The following MAPK8IP3 variants were observed in gnomAD, a reference collection of about 807,000 sequenced individuals.
MAPK8IP3 encodes the protein C-Jun-amino-terminal kinase-interacting protein 3.
Under a neutral mutation model 157.8 loss-of-function variants are expected in MAPK8IP3, and 49 were observed. That is an observed-to-expected ratio of 0.31 (90% CI 0.25 to 0.39). MAPK8IP3 has a LOEUF of 0.39. MAPK8IP3 is among the 10% of genes least tolerant of loss of function. The pLI is 1.00. For synonymous variants in MAPK8IP3, 897 were observed against 777.7 expected (o/e 1.15, Z -2.55); for missense variants, 1,478 against 1,889.4 (o/e 0.78, Z 4.04).
At chr16:1,756,739 T>C (rs564341004) in intron 8 of MAPK8IP3, among the ~76,000 whole-genome samples, 2 of 151,960 alleles carry the variant, frequency 1.3e-5, no homozygotes, top group South Asian at 2.1e-4. Context: ...GGAGGATCTC[T>C]TGAGCCTGGG....
At chr16:1,750,860 G>T (rs1293836118) in intron 8 of MAPK8IP3, among the ~76,000 whole-genome samples, 4 of 151,802 alleles carry the variant, frequency 2.6e-5, no homozygotes, top group Non-Finnish European at 5.9e-5. Context: ...TGGTCAGGCT[G>T]GTTTTGATCT....
chr16:1,765,404 C>A lies in MAPK8IP3; in HGVS notation c.2446+226C>A, dbSNP rs867859981. ...GCCTCTTCTCCCTACCTACTCAGGA[C>A]CCCACGCTTACCTGGTTAGAGGGTG... On this transcript the variant is annotated intron_variant, in intron 20 of 31. Coordinates refer to ENST00000610761, the MANE Select transcript of MAPK8IP3 (RefSeq NM_001318852.2). 4.6e-5 allele frequency among the ~76,000 whole-genome samples: 7 copies of A among 152,224 alleles called. No homozygotes were observed. In the South Asian group the frequency reaches 1.4e-3, roughly 31 times the overall value.
chr16:1,744,877 TTTTTA>T (rs1227375856), intron 5 of MAPK8IP3: 2 of 960,252 alleles, frequency 2.1e-6, no homozygotes, highest in Non-Finnish European at 2.5e-6. Context: ...ATTTAAGTTC[TTTTTA>T]TTTTATGCTC....
chr16:1,718,620 C>T (rs2038313609), intron 1 of MAPK8IP3, among the ~76,000 whole-genome samples: 1 of 151,756 alleles, frequency 6.6e-6, no homozygotes, highest in South Asian at 2.1e-4. Context: ...ATGGTGAAAC[C>T]CTGTCTCTAC....
chr16:1,726,056 C>T (rs1375791433), intron 2 of MAPK8IP3, among the ~76,000 whole-genome samples: 2 of 152,344 alleles, frequency 1.3e-5, no homozygotes, highest in East Asian at 3.9e-4. Context: ...TCCTTTATCT[C>T]TAAAAAGTTA....
chr16:1,744,467 C>T (rs2040849569), intron 5 of MAPK8IP3: 2 of 985,714 alleles, frequency 2.0e-6, no homozygotes, highest in Non-Finnish European at 2.4e-6. Context: ...TGGGAGCGAG[C>T]TCCCTCATGG....
rs200533442 is a variant in MAPK8IP3, at chr16:1,747,231, A to G, written c.950A>G (p.Asn317Ser). 115 of 1,613,722 alleles carry G rather than the reference A, an allele frequency of 7.1e-5. No homozygotes were observed. The highest frequency in any genetic ancestry group is 5.2e-5 in the Non-Finnish European group (61 of 1,180,024). The change falls in exon 6 of 32, where the codon AAC becomes AGC. Residue 317 changes from asparagine (N) to serine (S), a missense_variant. Transcript: ENST00000610761. ...GCCCGGGAGAAGCGCGACAGCCGCA[A>G]CATGGAAGTACAGGTCACCCAGGAG... Reference protein sequence around the residue: ...KRAREKRDSRNMEVQVTQEMR... With the variant: ...KRAREKRDSRSMEVQVTQEMR...
rs79414598 is a variant in MAPK8IP3 at position 1,723,192 on chromosome 16, C to T, written c.319-1365C>T. Reference sequence around the variant, plus strand: ...GAGATTATAGGTGTGTGCCACCACACCCGGCTAATTTTTGTATTTTTTAGT... The same window carrying T: ...GAGATTATAGGTGTGTGCCACCACATCCGGCTAATTTTTGTATTTTTTAGT... On this transcript the variant is annotated intron_variant, in intron 1 of 31. Coordinates refer to ENST00000610761, the MANE Select transcript of MAPK8IP3 (RefSeq NM_001318852.2). Among the ~76,000 whole-genome samples the T allele has an allele frequency of 1.8e-3, 274 of 151,934 alleles. 5 individuals are homozygous for T. The East Asian group carries it at 0.049, about 27-fold the overall frequency.
At chr16:1,715,281 C>T (rs769723888) in intron 1 of MAPK8IP3, among the ~76,000 whole-genome samples, 1 of 152,148 alleles carries the variant, frequency 6.6e-6, no homozygotes, top group Non-Finnish European at 1.5e-5. Context: ...GAGAAATGTC[C>T]TTCCCTCGAC....
intron 4 of MAPK8IP3, among the ~76,000 whole-genome samples, chr16:1,735,692 T>TGACAGCCCAG (rs1567162323): frequency 8.1e-6 from 1 of 123,648 alleles, no homozygotes. Flanking sequence ...TGTGAGCGTC[T>TGACAGCCCAG]GTGTGCCTGT....
chr16:1,715,244 C>G (rs1016406171), intron 1 of MAPK8IP3, among the ~76,000 whole-genome samples: 1 of 152,172 alleles, frequency 6.6e-6, no homozygotes, highest in African/African-American at 2.4e-5. Flanking sequence ...GGCCAGCTCT[C>G]TCAGCCCCAC....
In MAPK8IP3 at chr16:1,761,314, A is replaced by C. The variant is rs747599538; in HGVS notation, c.1539+9A>C. 1 of 1,609,680 alleles carries C rather than the reference A, an allele frequency of 6.2e-7. No homozygotes were observed. The highest frequency in any genetic ancestry group is 1.1e-5 in the South Asian group (1 of 91,046). ...ATCTCTGTACAGAATCGGTACATCC[A>C]CTCTTCACTCTTCACATGCGGGGCG... On this transcript the variant is annotated intron_variant, in intron 13 of 31. Transcript: ENST00000610761.
In MAPK8IP3 at chr16:1,766,131, A is replaced by T. The variant is rs1467164021; in HGVS notation, c.2618A>T (p.Asp873Val). 6.8e-6 allele frequency: 11 copies of T among 1,611,170 alleles called. No homozygotes were observed. Among genetic ancestry groups the T allele is most frequent in the Admixed American group, 1.7e-5 (1 of 59,958 alleles). Reference protein sequence around the residue: ...CSSRGDTPVLDKGQGEVATIA... With the variant: ...CSSRGDTPVLVKGQGEVATIA... ...TCCCGAGGGGACACCCCAGTGCTAG[A>T]CAAGGGGCAGGGTGAGTCCTGGGCG... The change falls in exon 21 of 32, where the codon GAC (aspartate) becomes GTC (valine). Residue 873 changes from aspartate (D) to valine (V), a missense_variant. Transcript: ENST00000610761.
At chr16:1,726,188 A>G (rs1387280999) in intron 2 of MAPK8IP3, among the ~76,000 whole-genome samples, 7 of 152,364 alleles carry the variant, frequency 4.6e-5, no homozygotes, top group Admixed American at 2.6e-4. Context: ...GAGGGTGACC[A>G]CGGTGGCAGC....
intron 10 of MAPK8IP3, among the ~76,000 whole-genome samples, chr16:1,759,525 G>A (rs1460446733): frequency 2.6e-5 from 4 of 152,162 alleles, no homozygotes; most frequent in East Asian, 1.9e-4. Context: ...CCTCACAGCC[G>A]CGCCCCATCG....
rs1596784260 is a variant in MAPK8IP3, at chr16:1,762,980, C to T, written c.1872C>T (p.Ser624=). The T allele has an allele frequency of 6.2e-7, 1 of 1,612,886 alleles. No homozygotes were observed. The highest frequency in any genetic ancestry group is 1.3e-5 in the African/African-American group (1 of 75,080). The part of the protein sequence containing the change: ...NHAMCPISAG[S]RPLEFFPDDD... ...CCATGTGCCCGATCTCGGCAGGCAG[C>T]CGGCCCCTGGAATTCTTCCCTGACG... Residue 624 remains serine (S), a synonymous_variant, in exon 16 of 32, where the codon AGC becomes AGT. Transcript: ENST00000610761.
intron 1 of MAPK8IP3, among the ~76,000 whole-genome samples, chr16:1,715,289 G>A (rs946676993): frequency 3.9e-5 from 6 of 152,018 alleles, no homozygotes; most frequent in Admixed American, 6.6e-5. Flanking sequence ...TCCTTCCCTC[G>A]ACCCGTGTCC....
In MAPK8IP3 at chr16:1,743,175, G is replaced by A. The variant is rs997505333; in HGVS notation, c.603-157G>A. ...ACTGCAGCATCATGGGAGGGGAAGC[G>A]CCACGTAGGATCATAACTGAGTAGC... is the stretch of plus-strand genomic sequence containing the variant. On this transcript the variant is annotated intron_variant, in intron 4 of 31. Coordinates refer to ENST00000610761, the MANE Select transcript of MAPK8IP3 (RefSeq NM_001318852.2). This position sits in a 1 kb window ranked among gnomAD's most constrained non-coding sequence, Gnocchi z 5.6. Among the ~76,000 whole-genome samples, 5 of 152,120 alleles carry A rather than the reference G, an allele frequency of 3.3e-5. No individual in the cohort carries two copies. Among genetic ancestry groups the A allele is most frequent in the Non-Finnish European group, 7.4e-5 (5 of 68,018 alleles).
At chr16:1,708,614 C>T (rs2037552339) in intron 1 of MAPK8IP3, among the ~76,000 whole-genome samples, 1 of 152,216 alleles carries the variant, frequency 6.6e-6, no homozygotes, top group African/African-American at 2.4e-5. Context: ...TCTGCCCTCC[C>T]CCAGGGCTCC....
Sources: allele counts gnomAD v4.1 joint callset (sites outside exome capture counted in the v4.1 genomes callset), GRCh38; gene constraint gnomAD v4.1.1; non-coding constraint Gnocchi (gnomAD v3.1); transcripts MANE v1.5; gene names NCBI Gene and HGNC (gene_info 2026-07-23, HGNC 2026-07-21).